CFDP1: variants seen among roughly 807,000 people sequenced by gnomAD.
The protein encoded by CFDP1 is heterochromatin-stabilizing protein CFDP1.
CFDP1 carries 31 observed loss-of-function variants against 40.1 expected under a neutral mutation model. The ratio of observed to expected loss-of-function variants is 0.77; its 90% CI spans 0.58 to 1.04. The LOEUF (loss-of-function observed/expected upper bound fraction) is 1.04. CFDP1 is among the 50% of genes least tolerant of loss of function. The pLI is 0.00. For synonymous variants in CFDP1, 167 were observed against 120.0 expected (o/e 1.39, Z -2.56); for missense variants, 423 against 343.4 (o/e 1.23, Z -1.83).
intron 4 of CFDP1, among the ~76,000 whole-genome samples, chr16:75,408,311 T>TA (rs1015114199): frequency 8.1e-4 from 121 of 149,784 alleles, no homozygotes; most frequent in African/African-American, 2.7e-3. Context: ...GATCCCATGT[T>TA]AAAAAAAAAA....
intron 3 of CFDP1, 44 bp downstream of exon 3, chr16:75,412,491 G>T (rs1304058453): frequency 2.1e-6 from 3 of 1,404,782 alleles, no homozygotes; most frequent in Admixed American, 3.4e-5. Flanking sequence ...AGTAATGTAG[G>T]GTATTTCTGG....
chr16:75,360,431 A>T (rs920750317), intron 5 of CFDP1, among the ~76,000 whole-genome samples: 2 of 152,246 alleles, frequency 1.3e-5, no homozygotes, highest in African/African-American at 4.8e-5. Flanking sequence ...GAAAATAACT[A>T]TGGTTAACTG....
chr16:75,308,437 G>A (rs1169477414), intron 5 of CFDP1, among the ~76,000 whole-genome samples: 2 of 152,022 alleles, frequency 1.3e-5, no homozygotes, highest in Non-Finnish European at 2.9e-5. Context: ...CTCTAACTAA[G>A]GATTTTAGGA....
intron 6 of CFDP1, among the ~76,000 whole-genome samples, chr16:75,298,916 A>G (rs187249207): frequency 1.3e-5 from 2 of 152,310 alleles, no homozygotes; most frequent in East Asian, 1.9e-4. Flanking sequence ...CAACTCACAA[A>G]AACACCTGGT....
chr16:75,340,603 G>C (rs2078520187), intron 5 of CFDP1, among the ~76,000 whole-genome samples: 1 of 152,122 alleles, frequency 6.6e-6, no homozygotes, highest in Admixed American at 6.5e-5. Flanking sequence ...GTTTTATTAA[G>C]GTTCTGCAAT....
intron 5 of CFDP1, among the ~76,000 whole-genome samples, chr16:75,377,678 C>T (rs181714029): frequency 6.6e-6 from 1 of 152,256 alleles, no homozygotes; most frequent in Admixed American, 6.5e-5. Context: ...AAATATGCTC[C>T]TAGTTGAAGG....
At chr16:75,306,056 G>C (rs963856188) in intron 5 of CFDP1, among the ~76,000 whole-genome samples, 1 of 152,166 alleles carries the variant, frequency 6.6e-6, no homozygotes. Flanking sequence ...GGAAAGGTTT[G>C]GTCTCTTTAT....
At chr16:75,334,983 A>T (rs530866461) in intron 5 of CFDP1, among the ~76,000 whole-genome samples, 1 of 152,276 alleles carries the variant, frequency 6.6e-6, no homozygotes, top group South Asian at 2.1e-4. Flanking sequence ...AGAAAAAAAG[A>T]AAAGTCTGGA....
chr16:75,427,720 C>T (rs572166797), intron 1 of CFDP1, among the ~76,000 whole-genome samples: 7 of 152,246 alleles, frequency 4.6e-5, no homozygotes, highest in South Asian at 4.1e-4. Flanking sequence ...TACTACAAAA[C>T]CCAGTAATCC....
intron 5 of CFDP1, among the ~76,000 whole-genome samples, chr16:75,390,190 C>T (rs1356456194): frequency 6.6e-6 from 1 of 152,186 alleles, no homozygotes; most frequent in African/African-American, 2.4e-5. Flanking sequence ...CTGGTTGGCC[C>T]CTAGATTCCC....
intron 5 of CFDP1, among the ~76,000 whole-genome samples, chr16:75,384,971 TAC>T (rs1454717076): frequency 1.3e-5 from 2 of 150,242 alleles, no homozygotes; most frequent in African/African-American, 4.9e-5. Context: ...TATATATGTA[TAC>T]AATATATATG....
intron 5 of CFDP1, among the ~76,000 whole-genome samples, chr16:75,328,599 TAAAAAAAAAAAAA>T (rs534769130): frequency 1.6e-5 from 1 of 63,926 alleles, no homozygotes; most frequent in Non-Finnish European, 2.9e-5. Flanking sequence ...AACTCTGTCT[TAAAAAAAAAAAAA>T]AAAAAAAAAA....
chr16:75,315,616 A>C (rs1343930184), intron 5 of CFDP1, among the ~76,000 whole-genome samples: 2 of 152,212 alleles, frequency 1.3e-5, no homozygotes, highest in Non-Finnish European at 2.9e-5. Context: ...TTGAAAACAG[A>C]ACCACTATTT....
At chr16:75,321,068 TCA>T (rs1170955183) in intron 5 of CFDP1, among the ~76,000 whole-genome samples, 1 of 152,018 alleles carries the variant, frequency 6.6e-6, no homozygotes, top group Non-Finnish European at 1.5e-5. Context: ...TAGCTGGGAG[TCA>T]CAGGCACACG....
chr16:75,433,238 T>C (rs2079447306), intron 1 of CFDP1, 51 bp downstream of exon 1: 1 of 1,521,488 alleles, frequency 6.6e-7, no homozygotes, highest in Non-Finnish European at 8.9e-7. Flanking sequence ...GCGCCTCACG[T>C]GAGGCGTGGG....
At chr16:75,310,365 C>G (rs1166850613) in intron 5 of CFDP1, among the ~76,000 whole-genome samples, 2 of 152,064 alleles carry the variant, frequency 1.3e-5, no homozygotes, top group Admixed American at 1.3e-4. Flanking sequence ...CATGCCAAAC[C>G]AAGACCTATC....
intron 1 of CFDP1, among the ~76,000 whole-genome samples, chr16:75,417,607 T>A (rs1437070499): frequency 6.6e-6 from 1 of 152,168 alleles, no homozygotes; most frequent in Non-Finnish European, 1.5e-5. Context: ...CAGCTCCTTA[T>A]AAGGGTCAGG....
Position 75,305,195 on chromosome 16 carries a change from A to T in CFDP1, c.651-13T>A. 1 of 1,612,082 alleles carries T rather than the reference A, an allele frequency of 6.2e-7. No individual in the cohort carries two copies. The highest frequency in any genetic ancestry group is 8.5e-7 in the Non-Finnish European group (1 of 1,179,294). ...TGATCTTTTTAACCTAAGGAAAGAA[A>T]ATATGAAAGATGTAGCAGGTAAAAA... On this transcript the variant is annotated splice_polypyrimidine_tract_variant and intron_variant, in intron 5 of 6. Transcript: ENST00000283882.
At position 75,293,819 on chromosome 16, in the gene CFDP1, A is replaced by G; in HGVS notation, c.*133T>C. 1 of 660,708 alleles carries G rather than the reference A, an allele frequency of 1.5e-6. No homozygotes were observed. Among genetic ancestry groups the G allele is most frequent in the Non-Finnish European group, 2.6e-6 (1 of 388,782 alleles). The allele number at this position is 660,708 out of a possible 1,614,324, so 40.9% of individuals were successfully genotyped here. ...CCATTTGTGATTAAGATACATAGAC[A>G]GAACTTCAATGTAGAAAAAAAAAAG... is the stretch of plus-strand genomic sequence containing the variant. On this transcript the variant is annotated 3_prime_UTR_variant, in exon 7 of 7. Coordinates refer to ENST00000283882, the MANE Select transcript of CFDP1 (RefSeq NM_006324.3).
Sources: allele counts gnomAD v4.1 joint callset (sites outside exome capture counted in the v4.1 genomes callset), GRCh38; gene constraint gnomAD v4.1.1; transcripts MANE v1.5; gene names NCBI Gene and HGNC (gene_info 2026-07-23, HGNC 2026-07-21).